The following ZNF43 variants were observed in gnomAD, a reference collection of about 807,000 sequenced individuals.
The protein encoded by ZNF43 is zinc finger protein 43.
In ZNF43, 44 loss-of-function variants were observed where a neutral mutation model predicts 68.4. The ratio of observed to expected loss-of-function variants is 0.64; its 90% confidence interval spans 0.51 to 0.83. The LOEUF (loss-of-function observed/expected upper bound fraction) is 0.83. ZNF43 is among the 40% of genes least tolerant of loss of function. The probability of loss-of-function intolerance (pLI) is 0.00; values close to 1 mark genes in which losing one functional copy is unlikely to be tolerated. For synonymous variants in ZNF43, 308 were observed against 307.8 expected (o/e 1.00, Z -0.01); for missense variants, 896 against 933.2 (o/e 0.96, Z 0.52).
rs1022770338 is a variant in ZNF43, at chr19:21,835,879, C to T, written c.3+157G>A. Reference sequence around the variant, plus strand: ...CAGAGAAGAGACAGGACGCCCGGGGCTGCCTCCCAGAGCAGCCGCCATCTT... The same window carrying T: ...CAGAGAAGAGACAGGACGCCCGGGGTTGCCTCCCAGAGCAGCCGCCATCTT... On this transcript the variant is annotated intron_variant, in intron 1 of 3. Transcript: ENST00000354959. Among the ~76,000 whole-genome samples, 8 of 152,218 alleles carry T rather than the reference C, an allele frequency of 5.3e-5. No individual in the cohort carries two copies. The East Asian group carries it at 1.2e-3, about 22-fold the overall frequency.
At chr19:21,841,937 T>C (rs1044702399) in intron 1 of ZNF43, among the ~76,000 whole-genome samples, 2 of 152,226 alleles carry the variant, frequency 1.3e-5, no homozygotes, top group African/African-American at 4.8e-5. Flanking sequence ...ATTGTGTATA[T>C]TGAAATATGG....
At position 21,808,225 on chromosome 19, in the gene ZNF43, G is replaced by A; in HGVS notation, c.1812C>T (p.Thr604=). The change falls in exon 4 of 4, where the codon ACC becomes ACT. Residue 604 remains threonine (T), a synonymous_variant. Coordinates refer to ENST00000354959, the MANE Select transcript of ZNF43 (RefSeq NM_003423.4). ...TATGTGTAGTAAGGTTTGAAGATTG[G>A]GTAAAAGCTTTGCCACATTCTTCAC... ...YKCEECGKAF[T]QSSNLTTHKK... 5.6e-6 allele frequency: 9 copies of A among 1,609,146 alleles called. No individual in the cohort carries two copies. Among genetic ancestry groups the A allele is most frequent in the Non-Finnish European group, 7.6e-6 (9 of 1,178,806 alleles).
In ZNF43 at chr19:21,852,016, G is replaced by A. The variant is rs927039851; in HGVS notation, c.-82C>T. 15 of 1,468,934 alleles carry A rather than the reference G, an allele frequency of 1.0e-5. No homozygotes were observed. In the Admixed American group the frequency reaches 2.3e-4, roughly 22 times the overall value. The allele number at this position is 1,468,934 out of a possible 1,614,324, so 91.0% of individuals were successfully genotyped here. A position where few individuals can be genotyped will look rare whatever the true frequency, so the allele number is the denominator to read the frequency against. ...AGTCACCGGGGATTCCCGAGTTGGA[G>A]AACGCGGAAAAGCAGAGGCGGGTCC... On this transcript the variant is annotated 5_prime_UTR_variant, in exon 1 of 4. Transcript: ENST00000357491.
intron 1 of ZNF43, chr19:21,841,565 A>T (rs1231866606): frequency 1.3e-5 from 2 of 152,236 alleles, no homozygotes; most frequent in Admixed American, 1.3e-4. Context: ...GTGCAGATGG[A>T]AGAGGAGAGT....
At position 21,836,024 on chromosome 19, in the gene ZNF43, C is replaced by A. The variant is rs7260597; in HGVS notation, c.3+12G>T. ...CCTTCCCCCTCTCGGGATGTCGGAC[C>A]GGCACTCTCACCATTTCTAGGCTTC... On this transcript the variant is annotated intron_variant, in intron 1 of 3. Coordinates refer to ENST00000354959, the MANE Select transcript of ZNF43 (RefSeq NM_003423.4). 4.3e-6 allele frequency: 7 copies of A among 1,613,920 alleles called. No individual in the cohort carries two copies. The highest frequency in any genetic ancestry group is 5.1e-6 in the Non-Finnish European group (6 of 1,179,846).
At chr19:21,818,104 TA>T in intron 2 of ZNF43, 118 bp from the exon 3 acceptor site, 4 of 1,140,938 alleles carry the variant, frequency 3.5e-6, no homozygotes, top group Non-Finnish European at 4.8e-6. Context: ...CCCAAAATAC[TA>T]ATTTTTTTTT....
At chr19:21,851,756 T>A (rs1439204098) in intron 1 of ZNF43, 6 of 799,964 alleles carry the variant, frequency 7.5e-6, no homozygotes, top group Non-Finnish European at 1.1e-5. Context: ...GAGGCTCGGC[T>A]GCGGGCCCAG....
At chr19:21,841,385 G>C (rs1185908401) in intron 1 of ZNF43, 1 of 152,234 alleles carries the variant, frequency 6.6e-6, no homozygotes, top group Non-Finnish European at 1.5e-5. Context: ...TGCCTGTCCA[G>C]GGTTATGTTA....
chr19:21,823,570 CCTTT>C (rs1021836493), intron 1 of ZNF43, among the ~76,000 whole-genome samples: 6 of 129,920 alleles, frequency 4.6e-5, no homozygotes, highest in Non-Finnish European at 6.3e-5. Flanking sequence ...AAGAATCAGG[CCTTT>C]TTTTTTTTTT....
At chr19:21,831,212 A>C (rs1260246732) in intron 1 of ZNF43, among the ~76,000 whole-genome samples, 1 of 152,180 alleles carries the variant, frequency 6.6e-6, no homozygotes, top group Non-Finnish European at 1.5e-5. Context: ...GCCTTCTCTC[A>C]TCACTCCTAT....
chr19:21,849,094 ACG>A (rs1455453413), intron 1 of ZNF43, among the ~76,000 whole-genome samples: 1 of 152,126 alleles, frequency 6.6e-6, no homozygotes, highest in African/African-American at 2.4e-5. Context: ...GACAATTCTA[ACG>A]GTTGGTGGGG....
rs539227569 is a variant in ZNF43 at position 21,846,601 on chromosome 19, T to C, written c.30+5304A>G. ...CCCAGCAACATGTCACAATGTCTTA[T>C]GTGAGCAGGGCCAAGAAAAAAATAG... On this transcript the variant is annotated intron_variant, in intron 1 of 3. Coordinates refer to the ZNF43 transcript ENST00000357491. 5.3e-5 allele frequency among the ~76,000 whole-genome samples: 8 copies of C among 152,032 alleles called. 1 individual carries two copies. The South Asian group carries it at 1.4e-3, about 28-fold the overall frequency.
intron 1 of ZNF43, among the ~76,000 whole-genome samples, chr19:21,819,771 CT>C (rs1026795397): frequency 1.8e-4 from 27 of 151,876 alleles, no homozygotes; most frequent in Non-Finnish European, 3.5e-4. Flanking sequence ...TGTTTTTTTT[CT>C]AGTTTTTCTG....
Position 21,808,730 on chromosome 19 carries a change from T to C in ZNF43, c.1307A>G (p.Asn436Ser), listed in dbSNP as rs1389207622. The C allele has an allele frequency of 6.2e-7, 1 of 1,612,224 alleles. No homozygotes were observed. Among genetic ancestry groups the C allele is most frequent in the Admixed American group, 1.7e-5 (1 of 59,854 alleles). Reference protein sequence around the residue: ...YKCEECGKAFNWPSTLTKHNR... With the variant: ...YKCEECGKAFSWPSTLTKHNR... Reference sequence around the variant, plus strand: ...ATGTTTAGTAAGGGTTGAGGGCCAGTTAAAGGCTTTGCCACATTCTTCACA... The same window carrying C: ...ATGTTTAGTAAGGGTTGAGGGCCAGCTAAAGGCTTTGCCACATTCTTCACA... Residue 436 changes from asparagine to serine, a missense_variant, in exon 4 of 4, where the codon AAC becomes AGC. Transcript: ENST00000354959.
chr19:21,824,950 C>G (rs2038043161), intron 1 of ZNF43, among the ~76,000 whole-genome samples: 1 of 152,086 alleles, frequency 6.6e-6, no homozygotes, highest in Non-Finnish European at 1.5e-5. Flanking sequence ...TTGTCAGCCA[C>G]TTAGGCTGGG....
At chr19:21,830,773 T>C (rs1371720148) in intron 1 of ZNF43, among the ~76,000 whole-genome samples, 2 of 151,270 alleles carry the variant, frequency 1.3e-5, no homozygotes, top group Non-Finnish European at 2.9e-5. Context: ...AGCATTATTC[T>C]GATACCAAAA....
chr19:21,842,418 A>C, intron 1 of ZNF43, among the ~76,000 whole-genome samples: 1 of 151,470 alleles, frequency 6.6e-6, no homozygotes, highest in Admixed American at 6.6e-5. Context: ...AAAAAAAAAA[A>C]AAAACAATAA....
intron 1 of ZNF43, among the ~76,000 whole-genome samples, chr19:21,828,854 A>G (rs1012198256): frequency 7.2e-5 from 11 of 151,768 alleles, no homozygotes; most frequent in African/African-American, 2.4e-4. Context: ...TAACACGGTG[A>G]AACCCCGTCT....
At position 21,836,128 on chromosome 19, in the gene ZNF43, C is replaced by A; in HGVS notation, c.-90G>T. Reference sequence around the variant, plus strand: ...GCCACAGAGGCTGGACCTCTAGCAGCAGAGGACACAGAAGAACGAAGACGA... The same window carrying A: ...GCCACAGAGGCTGGACCTCTAGCAGAAGAGGACACAGAAGAACGAAGACGA... On this transcript the variant is annotated 5_prime_UTR_variant, in exon 1 of 4. Transcript: ENST00000354959. 6.2e-7 allele frequency: 1 copy of A among 1,600,532 alleles called. No homozygotes were observed. The highest frequency in any genetic ancestry group is 8.5e-7 in the Non-Finnish European group (1 of 1,172,980).
Sources: gnomAD v4.1 joint callset for allele counts (sites outside exome capture counted in the v4.1 genomes callset) on GRCh38, gnomAD v4.1.1 for gene constraint, MANE v1.5 for transcripts, NCBI Gene and HGNC (gene_info 2026-07-23, HGNC 2026-07-21) for gene names.